The following SLC36A4 variants were observed in gnomAD, a reference collection of about 807,000 sequenced individuals.
SLC36A4 encodes solute carrier family 36 member 4.
Under a neutral mutation model 50.5 loss-of-function variants are expected in SLC36A4, and 49 were observed. That is an observed-to-expected ratio of 0.97 (90% CI 0.77 to 1.23). The LOEUF (loss-of-function observed/expected upper bound fraction) is 1.23, where lower values mean the gene tolerates loss of function less well. Ranked by LOEUF, SLC36A4 falls within the 50% of genes most tolerant of loss-of-function variation. SLC36A4 has a pLI of 0.00. For synonymous variants in SLC36A4, 207 were observed against 206.5 expected (o/e 1.00, Z -0.02); for missense variants, 611 against 608.4 (o/e 1.00, Z -0.05).
At chr11:93,167,187 T>G (rs900425993) in intron 7 of SLC36A4, 4 of 152,144 alleles carry the variant, frequency 2.6e-5, no homozygotes, top group Non-Finnish European at 5.9e-5. Flanking sequence ...TAAGAATTTT[T>G]AATAAATTGC....
chr11:93,168,062 A>T lies in SLC36A4; in HGVS notation c.650T>A (p.Leu217His). ...GAAGACCAAAAGAATTATAAATGGA[A>T]GAAAGCAAAGCATATATATCCTTAG... Reference protein sequence around the residue: ...VDLRIYMLCFLPFIILLVFIR... With the variant: ...VDLRIYMLCFHPFIILLVFIR... The change falls in exon 7 of 11, where the codon CTT (leucine) becomes CAT (histidine). Residue 217 changes from leucine (L) to histidine (H), a missense_variant. Leu to His is a moderately conservative substitution (Grantham distance 99). Coordinates refer to ENST00000326402, the MANE Select transcript of SLC36A4 (RefSeq NM_152313.4). 6.2e-7 allele frequency: 1 copy of T among 1,612,438 alleles called. No individual in the cohort carries two copies. Among genetic ancestry groups the T allele is most frequent in the East Asian group, 2.2e-5 (1 of 44,800 alleles).
intron 3 of SLC36A4, among the ~76,000 whole-genome samples, chr11:93,183,688 TTTTA>T (rs1321528685): frequency 2.0e-5 from 3 of 152,018 alleles, no homozygotes; most frequent in East Asian, 1.9e-4. Context: ...ATTACTTTTC[TTTTA>T]TTTATTTATT....
At position 93,154,203 on chromosome 11, in the gene SLC36A4, G is replaced by T; in HGVS notation, c.1112C>A (p.Ala371Glu). 6.4e-7 allele frequency: 1 copy of T among 1,559,486 alleles called. No homozygotes were observed. The highest frequency in any genetic ancestry group is 1.3e-5 in the South Asian group (1 of 78,458). ...TGTGATCCCAGGGATAATGATCTCT[G>T]CTGGAACATAGAACTGAATTGAATA... ...VTYSIQFYVP[A>E]EIIIPGITSK... is the part of the protein sequence containing the mutation. The change falls in exon 10 of 11, where the codon GCA (alanine) becomes GAA (glutamate). Residue 371 changes from alanine to glutamate, a missense_variant. Ala to Glu is a moderately radical substitution (Grantham distance 107). Transcript: ENST00000326402.
intron 2 of SLC36A4, chr11:93,185,424 C>A (rs1022416773): frequency 7.4e-6 from 2 of 269,950 alleles, no homozygotes; most frequent in South Asian, 3.1e-4. Context: ...GACATCACTT[C>A]TCTTAACATT....
intron 10 of SLC36A4, chr11:93,152,787 C>CT (rs1476762502): frequency 9.9e-5 from 15 of 152,226 alleles, no homozygotes; most frequent in Admixed American, 8.5e-4. Context: ...AGACGATATA[C>CT]TTTCAGAATA....
intron 10 of SLC36A4, among the ~76,000 whole-genome samples, chr11:93,151,778 T>C (rs1160974583): frequency 6.6e-6 from 1 of 152,060 alleles, no homozygotes; most frequent in Non-Finnish European, 1.5e-5. Flanking sequence ...AAGTAAATAG[T>C]ACTTAGTATA....
intron 10 of SLC36A4, 29 bp downstream of exon 10, chr11:93,154,079 T>C (rs760918592): frequency 4.7e-6 from 5 of 1,071,540 alleles, no homozygotes; most frequent in Non-Finnish European, 6.4e-6. Flanking sequence ...TAAAAAATTA[T>C]TATGATATAA....
chr11:93,148,941 GAAAT>G (rs1271610271), intron 10 of SLC36A4, 97 bp from the exon 11 acceptor site: 1 of 1,141,262 alleles, frequency 8.8e-7, no homozygotes, highest in African/African-American at 1.6e-5. Context: ...GTAATTACTA[GAAAT>G]AATTAATGAA....
Position 93,181,708 on chromosome 11 carries a change from C to A in SLC36A4, c.438G>T (p.Lys146Asn). 1 of 1,537,412 alleles carries A rather than the reference C, an allele frequency of 6.5e-7. No homozygotes were observed. Among genetic ancestry groups the A allele is most frequent in the Non-Finnish European group, 8.8e-7 (1 of 1,136,924 alleles). ...MEVSPWSCLQ[K>N]QAAWGRSVVD... ...GTACTTACCGCCCCCATGCTGCTTG[C>A]TTCTGAAGACAACTCCAAGGACTCA... Residue 146 changes from lysine to asparagine, a missense_variant, in exon 5 of 11, where the codon AAG becomes AAT. Physicochemically the swap from Lys to Asn is moderately conservative, Grantham distance 94. Coordinates refer to ENST00000326402, the MANE Select transcript of SLC36A4 (RefSeq NM_152313.4).
In SLC36A4 at chr11:93,197,804, G is replaced by C. The variant is rs1485831319; in HGVS notation, c.29C>G (p.Ala10Gly). 1 of 1,582,802 alleles carries C rather than the reference G, an allele frequency of 6.3e-7. No individual in the cohort carries two copies. The highest frequency in any genetic ancestry group is 8.5e-7 in the Non-Finnish European group (1 of 1,172,528). MEAAATPAAAGAARREELDM... is the reference protein window; with the variant it reads MEAAATPAAGGAARREELDM... ...TAGCTCCTCGCGCCTCGCCGCCCCG[G>C]CAGCCGCCGGCGTCGCCGCCGCTTC... Residue 10 changes from alanine to glycine, a missense_variant, in exon 1 of 11, where the codon GCC (alanine) becomes GGC (glycine). By Grantham distance (60) the Ala-to-Gly change is moderately conservative. Transcript: ENST00000326402.
Position 93,148,523 on chromosome 11 carries a change from T to C in SLC36A4, c.*14A>G, listed in dbSNP as rs371819902. 8.2e-6 allele frequency: 13 copies of C among 1,594,030 alleles called. No homozygotes were observed. The highest frequency in any genetic ancestry group is 2.1e-4 in the Middle Eastern group (1 of 4,860). On this transcript the variant is annotated 3_prime_UTR_variant, in exon 11 of 11. Transcript: ENST00000326402. ...AAATGGGACAAAAATAGAAGACTCATGATTCTGCTTTTACTATTTCAAACC... is the reference window on the plus strand; with the variant it reads ...AAATGGGACAAAAATAGAAGACTCACGATTCTGCTTTTACTATTTCAAACC...
At chr11:93,187,542 T>G (rs755370028) in intron 1 of SLC36A4, among the ~76,000 whole-genome samples, 2 of 152,202 alleles carry the variant, frequency 1.3e-5, no homozygotes, top group Non-Finnish European at 2.9e-5. Context: ...TCATTCTCAT[T>G]CATATCTGCC....
At chr11:93,156,413 C>T (rs1220743147) in intron 9 of SLC36A4, among the ~76,000 whole-genome samples, 2 of 151,572 alleles carry the variant, frequency 1.3e-5, no homozygotes, top group Non-Finnish European at 2.9e-5. Context: ...ACGTCCTTTG[C>T]CCACTTTTTT....
intron 9 of SLC36A4, among the ~76,000 whole-genome samples, chr11:93,161,574 A>G (rs1365263641): frequency 6.6e-6 from 1 of 152,192 alleles, no homozygotes; most frequent in Non-Finnish European, 1.5e-5. Context: ...ACTCCAATAA[A>G]TGCCCAGGAT....
chr11:93,178,963 A>C (rs902333970), intron 6 of SLC36A4, among the ~76,000 whole-genome samples: 2 of 152,200 alleles, frequency 1.3e-5, no homozygotes, highest in Non-Finnish European at 2.9e-5. Context: ...CATTCCTTTT[A>C]TAGAGATAGG....
intron 7 of SLC36A4, 71 bp downstream of exon 7, chr11:93,167,873 A>G: frequency 1.1e-6 from 1 of 912,258 alleles, no homozygotes; most frequent in Non-Finnish European, 1.7e-6. Flanking sequence ...CATTACTTTT[A>G]CCTCCACAGT....
intron 6 of SLC36A4, chr11:93,171,493 G>A (rs1861131943): frequency 6.6e-6 from 1 of 152,018 alleles, no homozygotes; most frequent in African/African-American, 2.4e-5. Context: ...CTCATGTTTT[G>A]TGAGACTGCG....
chr11:93,168,190 A>G lies in SLC36A4; in HGVS notation c.541-19T>C, dbSNP rs772467424. The G allele has an allele frequency of 7.3e-6, 11 of 1,504,876 alleles. No individual in the cohort carries two copies. In the South Asian group the frequency reaches 1.2e-4, roughly 17 times the overall value. 93.2% of individuals were successfully genotyped at this position (1,504,876 alleles called of 1,614,324 possible). On this transcript the variant is annotated intron_variant, in intron 6 of 10. Transcript: ENST00000326402. Reference sequence around the variant, plus strand: ...CATGAACCTACATAGGATTACCAGGAGAATAAAGAAGGGGGAAAAACTTCC... The same window carrying G: ...CATGAACCTACATAGGATTACCAGGGGAATAAAGAAGGGGGAAAAACTTCC...
chr11:93,185,839 T>C (rs764805567), intron 1 of SLC36A4, 25 bp from the exon 2 acceptor site: 12 of 1,548,104 alleles, frequency 7.8e-6, no homozygotes, highest in Non-Finnish European at 1.0e-5. Flanking sequence ...AACAAAGTAC[T>C]TCACTATTGC....
Sources: gnomAD v4.1 joint callset for allele counts (sites outside exome capture counted in the v4.1 genomes callset) on GRCh38, gnomAD v4.1.1 for gene constraint, MANE v1.5 for transcripts, NCBI Gene and HGNC (gene_info 2026-07-23, HGNC 2026-07-21) for gene names.